The following BOLL variants were observed in gnomAD, a reference collection of about 807,000 sequenced individuals.
BOLL encodes the protein boule RNA binding protein.
A neutral mutation model predicts 44.4 loss-of-function variants in BOLL; 23 were observed. The observed-to-expected ratio is 0.52, with a 90% CI of 0.37 to 0.73. The LOEUF is 0.73. Ranked by LOEUF, BOLL falls within the 30% of genes least tolerant of loss-of-function variation. The pLI, the probability that BOLL is intolerant of heterozygous loss-of-function variation, is 0.00. For missense variants in BOLL, 287 were observed against 338.3 expected (o/e 0.85, Z 1.19); for synonymous variants, 97 against 110.8 (o/e 0.88, Z 0.78).
At chr2:197,731,894 A>G (rs1235781401) in intron 10 of BOLL, among the ~76,000 whole-genome samples, 2 of 150,934 alleles carry the variant, frequency 1.3e-5, no homozygotes, top group Non-Finnish European at 3.0e-5. Flanking sequence ...CTAACCTCAC[A>G]ATTAAAAGAA....
chr2:197,780,116 T>C (rs1475039227), intron 2 of BOLL, among the ~76,000 whole-genome samples: 1 of 152,084 alleles, frequency 6.6e-6, no homozygotes, highest in Admixed American at 6.6e-5. Flanking sequence ...GATATTTGAA[T>C]ACAAATTAAT....
intron 10 of BOLL, among the ~76,000 whole-genome samples, chr2:197,735,493 C>T (rs1028083821): frequency 1.3e-5 from 2 of 152,014 alleles, no homozygotes; most frequent in Non-Finnish European, 2.9e-5. Flanking sequence ...ATATTTAACT[C>T]ACACATAATT....
At chr2:197,784,386 T>A (rs1689941793) in intron 1 of BOLL, among the ~76,000 whole-genome samples, 1 of 102,144 alleles carries the variant, frequency 9.8e-6, no homozygotes, top group African/African-American at 4.3e-5. Context: ...AACAGCAGTC[T>A]AATACATATA....
chr2:197,765,340 TA>T (rs1022172781), intron 7 of BOLL, among the ~76,000 whole-genome samples: 8 of 146,696 alleles, frequency 5.5e-5, no homozygotes, highest in Admixed American at 6.8e-5. Context: ...AAATAAAAAT[TA>T]AAAAAAAAAC....
intron 10 of BOLL, among the ~76,000 whole-genome samples, chr2:197,729,293 G>C (rs943884283): frequency 6.6e-6 from 1 of 152,210 alleles, no homozygotes. Context: ...ATTATATCTC[G>C]CACCTGGCTC....
At chr2:197,764,549 C>G (rs924309422) in intron 7 of BOLL, among the ~76,000 whole-genome samples, 3 of 152,118 alleles carry the variant, frequency 2.0e-5, no homozygotes, top group Non-Finnish European at 4.4e-5. Context: ...TATTTTTCCC[C>G]CTTTCTTGTA....
chr2:197,734,630 T>TA (rs1048389483), intron 10 of BOLL, among the ~76,000 whole-genome samples: 1 of 152,104 alleles, frequency 6.6e-6, no homozygotes, highest in African/African-American at 2.4e-5. Context: ...TATGCAGCCA[T>TA]AAAAAATGAT....
chr2:197,773,164 C>T (rs1689342136), intron 5 of BOLL, among the ~76,000 whole-genome samples: 1 of 151,696 alleles, frequency 6.6e-6, no homozygotes, highest in Non-Finnish European at 1.5e-5. Flanking sequence ...GATATATATA[C>T]AGTCAAACAC....
intron 10 of BOLL, among the ~76,000 whole-genome samples, chr2:197,740,873 T>C (rs990052312): frequency 3.3e-5 from 5 of 152,154 alleles, no homozygotes; most frequent in African/African-American, 1.2e-4. Flanking sequence ...CACTTAACAA[T>C]GGTTGAAACA....
At chr2:197,742,408 C>G (rs1687785494) in intron 10 of BOLL, among the ~76,000 whole-genome samples, 1 of 152,152 alleles carries the variant, frequency 6.6e-6, no homozygotes, top group African/African-American at 2.4e-5. Context: ...AGACTTGGAA[C>G]CAACCCAAAT....
At chr2:197,731,175 TA>T (rs1687156349) in intron 10 of BOLL, among the ~76,000 whole-genome samples, 2 of 151,862 alleles carry the variant, frequency 1.3e-5, no homozygotes, top group South Asian at 4.2e-4. Context: ...TGGTCTTGGA[TA>T]AAACAGACTT....
At chr2:197,731,781 A>G (rs1410366070) in intron 10 of BOLL, among the ~76,000 whole-genome samples, 3 of 151,976 alleles carry the variant, frequency 2.0e-5, no homozygotes, top group African/African-American at 7.3e-5. Context: ...GCAAAGACAC[A>G]ACATACCAGA....
In BOLL at chr2:197,778,580, C is replaced by T. The variant is rs539669384; in HGVS notation, c.221+395G>A. Among the ~76,000 whole-genome samples, 7 of 151,910 alleles carry T rather than the reference C, an allele frequency of 4.6e-5. No homozygotes were observed. The East Asian group carries it at 1.2e-3, about 25-fold the overall frequency. ...AATTAGGTCTCTGAGGCACAACCTACAGACATTTCTTGGTGTCAGCTGTTT... is the reference window on the plus strand; with the variant it reads ...AATTAGGTCTCTGAGGCACAACCTATAGACATTTCTTGGTGTCAGCTGTTT... On this transcript the variant is annotated intron_variant, in intron 3 of 10. Transcript: ENST00000392296.
chr2:197,741,607 A>G (rs1223472548), intron 10 of BOLL, among the ~76,000 whole-genome samples: 1 of 152,214 alleles, frequency 6.6e-6, no homozygotes, highest in Non-Finnish European at 1.5e-5. Flanking sequence ...CTGGCTAGCC[A>G]TATGTAGAAA....
intron 2 of BOLL, among the ~76,000 whole-genome samples, chr2:197,779,697 T>C (rs925734497): frequency 6.6e-6 from 1 of 152,130 alleles, no homozygotes. Context: ...GGAATCATAA[T>C]TAGATTTAAA....
At chr2:197,766,935 C>CGCT (rs1483260345) in intron 6 of BOLL, among the ~76,000 whole-genome samples, 2 of 151,844 alleles carry the variant, frequency 1.3e-5, no homozygotes, top group African/African-American at 4.8e-5. Context: ...CTTAGGGTGA[C>CGCT]GCTGCCTGTT....
intron 9 of BOLL, among the ~76,000 whole-genome samples, chr2:197,755,093 G>A (rs971043920): frequency 5.9e-5 from 9 of 152,216 alleles, no homozygotes; most frequent in Middle Eastern, 3.4e-3. Context: ...CAAAGGACAC[G>A]AACAGACACT....
At chr2:197,756,404 A>G in intron 9 of BOLL, 24 bp downstream of exon 9, 1 of 1,542,326 alleles carries the variant, frequency 6.5e-7, no homozygotes, top group Non-Finnish European at 8.8e-7. Flanking sequence ...GTTATAGATC[A>G]ATTACTTTAA....
intron 9 of BOLL, among the ~76,000 whole-genome samples, chr2:197,749,964 C>T (rs933543431): frequency 6.6e-6 from 1 of 152,154 alleles, no homozygotes; most frequent in African/African-American, 2.4e-5. Flanking sequence ...AGAAACCTTA[C>T]AAGCCAGAAG....
Sources: gnomAD v4.1 joint callset for allele counts (sites outside exome capture counted in the v4.1 genomes callset) on GRCh38, gnomAD v4.1.1 for gene constraint, MANE v1.5 for transcripts, NCBI Gene and HGNC (gene_info 2026-07-23, HGNC 2026-07-21) for gene names.